Variants in FBXW8 observed in about 807,000 individuals in gnomAD.
The protein encoded by FBXW8 is F-box and WD repeat domain containing 8.
Under a neutral mutation model 65.3 loss-of-function variants are expected in FBXW8, and 57 were observed. The observed-to-expected ratio is 0.87, with a 90% CI of 0.71 to 1.09. The LOEUF (loss-of-function observed/expected upper bound fraction) is 1.09, where lower values mean the gene tolerates loss of function less well. Ranked by LOEUF, FBXW8 falls within the 50% of genes least tolerant of loss-of-function variation. FBXW8 has a pLI of 0.00. For synonymous variants in FBXW8, 308 were observed against 330.2 expected (o/e 0.93, Z 0.73); for missense variants, 777 against 814.8 (o/e 0.95, Z 0.57).
Position 116,985,265 on chromosome 12 carries a change from G to A in FBXW8, c.895G>A (p.Asp299Asn), listed in dbSNP as rs2135669473. The A allele has an allele frequency of 3.1e-6, 5 of 1,614,042 alleles. No homozygotes were observed. In the Middle Eastern group the frequency reaches 5.0e-4, roughly 160 times the overall value. Residue 299 changes from aspartate (D) to asparagine (N), a missense_variant, in exon 6 of 11, where the codon GAT (aspartate) becomes AAT (asparagine). Physicochemically the swap from Asp to Asn is conservative, Grantham distance 23 (BLOSUM62 1). Transcript: ENST00000652555. ...GTACCCTGTTCATCGTTTTGAGCAC[G>A]ATGCAAGAATACAGGCACTAGCCCT... The part of the protein sequence containing the change: ...GKYPVHRFEH[D>N]ARIQALALSQ...
At chr12:116,986,835 C>A (rs1468845187) in intron 6 of FBXW8, 1 of 152,180 alleles carries the variant, frequency 6.6e-6, no homozygotes, top group African/African-American at 2.4e-5. Flanking sequence ...CAATCTGAGC[C>A]TCTTGGTCTG....
intron 7 of FBXW8, among the ~76,000 whole-genome samples, chr12:116,999,483 A>G (rs1757010218): frequency 1.3e-5 from 2 of 152,210 alleles, no homozygotes; most frequent in African/African-American, 4.8e-5. Flanking sequence ...CATGATCACA[A>G]GTTTTAAAAG....
intron 4 of FBXW8, 59 bp downstream of exon 4, chr12:116,949,765 A>G (rs17583110): frequency 0.01 from 15,049 of 1,490,210 alleles, 625 homozygotes; most frequent in South Asian, 0.088. Context: ...TTTTTCTCAT[A>G]CCACCCTCTG....
intron 8 of FBXW8, among the ~76,000 whole-genome samples, chr12:117,020,353 T>C (rs117679102): frequency 6.6e-6 from 1 of 152,324 alleles, no homozygotes; most frequent in East Asian, 1.9e-4. Context: ...CTCTTAGATA[T>C]GTATTTTGTG....
rs547155397 is a variant in FBXW8 at position 116,941,017 on chromosome 12, G to C, written c.424-4347G>C. Among the ~76,000 whole-genome samples, 3 of 152,352 alleles carry C rather than the reference G, an allele frequency of 2.0e-5. No individual in the cohort carries two copies. In the East Asian group the frequency reaches 5.8e-4, roughly 29 times the overall value. On this transcript the variant is annotated intron_variant, in intron 2 of 10. Coordinates refer to ENST00000652555, the MANE Select transcript of FBXW8 (RefSeq NM_153348.3). ...AGGGGAAATATGATCGCTGTCTTCA[G>C]CTATTTGAGGGACTGTCAGGTGGAA... is the stretch of plus-strand genomic sequence containing the variant.
chr12:116,949,420 A>G (rs1429628287), intron 3 of FBXW8, 198 bp from the exon 4 acceptor site: 1 of 593,760 alleles, frequency 1.7e-6, no homozygotes, highest in Admixed American at 2.5e-5. Flanking sequence ...CCTTTGGGAT[A>G]TATGGTAACT....
intron 5 of FBXW8, among the ~76,000 whole-genome samples, chr12:116,983,109 A>C (rs1188257139): frequency 6.6e-6 from 1 of 152,224 alleles, no homozygotes; most frequent in Non-Finnish European, 1.5e-5. Context: ...CTGAAGACTC[A>C]GAAGCTCTAT....
At chr12:116,955,055 A>G (rs1057298821) in intron 4 of FBXW8, among the ~76,000 whole-genome samples, 8 of 136,244 alleles carry the variant, frequency 5.9e-5, no homozygotes, top group Non-Finnish European at 1.1e-4. Flanking sequence ...GGGGCCCTGT[A>G]TTAAGCATCT....
At chr12:117,014,372 C>T (rs1953897856) in intron 8 of FBXW8, among the ~76,000 whole-genome samples, 1 of 152,218 alleles carries the variant, frequency 6.6e-6, no homozygotes, top group Non-Finnish European at 1.5e-5. Context: ...AATATAGCTA[C>T]AACAAGTTCT....
At chr12:117,020,508 C>T (rs546069101) in intron 8 of FBXW8, among the ~76,000 whole-genome samples, 1 of 152,182 alleles carries the variant, frequency 6.6e-6, no homozygotes, top group East Asian at 1.9e-4. Context: ...GTCTCTTATA[C>T]CCCCATTCGC....
chr12:117,023,542 A>C (rs887498120), intron 8 of FBXW8, among the ~76,000 whole-genome samples: 19 of 152,194 alleles, frequency 1.2e-4, no homozygotes, highest in African/African-American at 4.6e-4. Flanking sequence ...GTTCTTAAAG[A>C]AATGGGGATT....
At chr12:116,965,988 C>A (rs1410354935) in intron 5 of FBXW8, among the ~76,000 whole-genome samples, 1 of 150,664 alleles carries the variant, frequency 6.6e-6, no homozygotes, top group Non-Finnish European at 1.5e-5. Flanking sequence ...GTCTTGAACT[C>A]CTGAGCTCAA....
At chr12:117,004,043 T>C (rs578244674) in intron 7 of FBXW8, among the ~76,000 whole-genome samples, 4 of 152,340 alleles carry the variant, frequency 2.6e-5, no homozygotes, top group African/African-American at 9.6e-5. Flanking sequence ...GAGGTGTGCA[T>C]GAAGGCAGCT....
chr12:116,920,482 A>G (rs1880809025), intron 1 of FBXW8, among the ~76,000 whole-genome samples: 2 of 152,342 alleles, frequency 1.3e-5, no homozygotes, highest in South Asian at 4.1e-4. Context: ...ATGGACAAAT[A>G]ATTGTCAGGT....
At chr12:116,979,732 G>C (rs1216904314) in intron 5 of FBXW8, 6 of 147,964 alleles carry the variant, frequency 4.1e-5, no homozygotes, top group Admixed American at 3.4e-4. Context: ...CAAAATGGGG[G>C]CTATAAACTC....
chr12:116,995,737 C>A (rs1953358175), intron 7 of FBXW8, among the ~76,000 whole-genome samples: 1 of 152,118 alleles, frequency 6.6e-6, no homozygotes, highest in Non-Finnish European at 1.5e-5. Flanking sequence ...CACAGGTAGT[C>A]ACTGCTAAGT....
At chr12:117,006,982 G>A (rs1592951350) in intron 7 of FBXW8, among the ~76,000 whole-genome samples, 2 of 152,012 alleles carry the variant, frequency 1.3e-5, no homozygotes, top group Middle Eastern at 3.4e-3. Context: ...ATCCCATTTA[G>A]GAAAAAAATG....
rs1230619848 is a variant in FBXW8, at chr12:117,028,450, C to T, written c.*278C>T. The T allele has an allele frequency of 2.1e-5, 10 of 484,970 alleles. No individual in the cohort carries two copies. In the East Asian group the frequency reaches 3.4e-4, roughly 16 times the overall value. 30.0% of individuals were successfully genotyped at this position (484,970 alleles called of 1,614,324 possible). A position where few individuals can be genotyped will look rare whatever the true frequency, so the allele number is the denominator to read the frequency against. On this transcript the variant is annotated 3_prime_UTR_variant, in exon 11 of 11. Transcript: ENST00000652555. This position sits in a 1 kb window ranked among gnomAD's most constrained non-coding sequence, Gnocchi z 4.1. ...CCTGGCCTCAGCTCCCTCAGGACGCCTCAGGGATCTCGCTGCGCGGTCCTA... is the reference window on the plus strand; with the variant it reads ...CCTGGCCTCAGCTCCCTCAGGACGCTTCAGGGATCTCGCTGCGCGGTCCTA...
chr12:117,004,754 G>A (rs1231497366), intron 7 of FBXW8, among the ~76,000 whole-genome samples: 1 of 151,938 alleles, frequency 6.6e-6, no homozygotes, highest in African/African-American at 2.4e-5. Flanking sequence ...ACTTCATGCT[G>A]GGCAGATGCT....
Sources: allele counts gnomAD v4.1 joint callset (sites outside exome capture counted in the v4.1 genomes callset), GRCh38; gene constraint gnomAD v4.1.1; non-coding constraint Gnocchi (gnomAD v3.1); transcripts MANE v1.5; gene names NCBI Gene and HGNC (gene_info 2026-07-23, HGNC 2026-07-21).